CELF6: variants seen among roughly 807,000 people sequenced by gnomAD.
CELF6 encodes CUGBP Elav-like family member 6.
A neutral mutation model predicts 53.1 loss-of-function variants in CELF6; 32 were observed. That is an observed-to-expected ratio of 0.60 (90% CI 0.46 to 0.81). The LOEUF is 0.81. Among genes scored for constraint, CELF6 ranks in the 30% least tolerant of loss-of-function variants. CELF6 has a pLI of 0.00. For missense variants in CELF6, 539 were observed against 669.5 expected, an observed-to-expected ratio of 0.81 and a Z score of 2.15; for synonymous variants, 291 against 288.8, an observed-to-expected ratio of 1.01 and a Z score of -0.08.
chr15:72,319,916 G>T lies in CELF6; in HGVS notation c.-42C>A, dbSNP rs1426353691. 6 of 1,417,680 alleles carry T rather than the reference G, an allele frequency of 4.2e-6. No homozygotes were observed. Among genetic ancestry groups the T allele is most frequent in the Non-Finnish European group, 9.1e-7 (1 of 1,093,490 alleles). 87.8% of individuals were successfully genotyped at this position (1,417,680 alleles called of 1,614,324 possible). A position where few individuals can be genotyped will look rare whatever the true frequency, so the allele number is the denominator to read the frequency against. The stretch of plus-strand genomic sequence containing the variant: ...CCCTCCCGCCGGTCCCACTGGTCCC[G>T]CCTGTCCCGCCGTCCCCTCCCTGGA... On this transcript the variant is annotated 5_prime_UTR_variant, in exon 1 of 13. Transcript: ENST00000287202. The surrounding 1 kb of genome is among the most constrained non-coding windows in gnomAD (Gnocchi z 5.0).
intron 1 of CELF6, among the ~76,000 whole-genome samples, chr15:72,316,399 C>T (rs1292796445): frequency 6.6e-6 from 1 of 152,136 alleles, no homozygotes; most frequent in African/African-American, 2.4e-5. Context: ...GGAGCCAACC[C>T]CAGGAGCCCC....
At chr15:72,292,313 G>T in intron 3 of CELF6, 1 of 1,361,046 alleles carries the variant, frequency 7.3e-7, no homozygotes, top group Non-Finnish European at 1.0e-6. Context: ...CCAATCTGAT[G>T]GCTTTGCCTT....
At position 72,289,791 on chromosome 15, in the gene CELF6, C is replaced by A. The variant is rs912568967; in HGVS notation, c.604-21G>T. On this transcript the variant is annotated intron_variant, in intron 5 of 12. Coordinates refer to ENST00000287202, the MANE Select transcript of CELF6 (RefSeq NM_052840.5). The surrounding 1 kb of genome is among the most constrained non-coding windows in gnomAD (Gnocchi z 7.6). ...GCGCCCTGGGCAGGGCAGGGGAGGC[C>A]GTGGTGACCGGTCCTGACCCTGGCC... The A allele has an allele frequency of 2.8e-6, 4 of 1,450,406 alleles. No homozygotes were observed. Among genetic ancestry groups the A allele is most frequent in the Admixed American group, 5.3e-5 (2 of 37,534 alleles). The allele number at this position is 1,450,406 out of a possible 1,614,324, so 89.8% of individuals were successfully genotyped here.
Position 72,305,900 on chromosome 15 carries a change from C to T in CELF6, c.346-1106G>A, listed in dbSNP as rs1313495860. 5.3e-5 allele frequency among the ~76,000 whole-genome samples: 8 copies of T among 150,836 alleles called. No individual in the cohort carries two copies. The East Asian group carries it at 1.6e-3, about 29-fold the overall frequency. On this transcript the variant is annotated intron_variant, in intron 2 of 12. Coordinates refer to ENST00000287202, the MANE Select transcript of CELF6 (RefSeq NM_052840.5). The stretch of plus-strand genomic sequence containing the variant: ...AACCTGATCCTCCCAGTCACCCAAG[C>T]TATAAGCCTGGAAAGCAGCTTGACT...
At position 72,289,732 on chromosome 15, in the gene CELF6, G is replaced by A; in HGVS notation, c.642C>T (p.Thr214=). 1.4e-6 allele frequency: 2 copies of A among 1,471,036 alleles called. No homozygotes were observed. Among genetic ancestry groups the A allele is most frequent in the Non-Finnish European group, 1.8e-6 (2 of 1,119,550 alleles). The allele number at this position is 1,471,036 out of a possible 1,614,324, so 91.1% of individuals were successfully genotyped here. The change falls in exon 6 of 13, where the codon ACC becomes ACT. Residue 214 remains threonine, a synonymous_variant. Coordinates refer to ENST00000287202, the MANE Select transcript of CELF6 (RefSeq NM_052840.5). The surrounding 1 kb of genome is among the most constrained non-coding windows in gnomAD (Gnocchi z 7.6). ...TCCGCCGCAGCGCGCGCTCCCGGTC[G>A]GTGTCCGCCAGCTTGACCACGAGGC... is the stretch of plus-strand genomic sequence containing the variant. ...SSSLVVKLAD[T]DRERALRRMQ...
chr15:72,287,139 A>T (rs1244473928), intron 12 of CELF6, 98 bp downstream of exon 12: 1 of 1,125,588 alleles, frequency 8.9e-7, no homozygotes, highest in East Asian at 2.4e-5. Context: ...AGACTTTCTC[A>T]GAGGTGGGTG....
chr15:72,299,362 CTTT>C (rs780048239), intron 3 of CELF6, among the ~76,000 whole-genome samples: 20 of 138,924 alleles, frequency 1.4e-4, no homozygotes, highest in Admixed American at 3.6e-4. Flanking sequence ...TTTGTTTTTT[CTTT>C]TTTTTTTTTT....
intron 3 of CELF6, among the ~76,000 whole-genome samples, chr15:72,290,493 G>A (rs528282839): frequency 1.3e-5 from 2 of 152,212 alleles, no homozygotes; most frequent in Non-Finnish European, 2.9e-5. Flanking sequence ...GAAACCCAGA[G>A]AGGCTCAGGG....
intron 3 of CELF6, among the ~76,000 whole-genome samples, chr15:72,294,196 T>C (rs2088044869): frequency 6.6e-6 from 1 of 152,232 alleles, no homozygotes; most frequent in African/African-American, 2.4e-5. Flanking sequence ...AAGGAGCGTC[T>C]GCCTCATGTT....
chr15:72,312,355 G>T (rs920623483), intron 2 of CELF6, among the ~76,000 whole-genome samples: 2 of 152,136 alleles, frequency 1.3e-5, no homozygotes, highest in African/African-American at 4.8e-5. Flanking sequence ...GGCCAGGAGT[G>T]GTGGCTCACG....
intron 2 of CELF6, among the ~76,000 whole-genome samples, chr15:72,312,832 ACTC>A (rs2088315470): frequency 6.6e-6 from 1 of 151,778 alleles, no homozygotes; most frequent in Admixed American, 6.6e-5. Flanking sequence ...AGAGCTGGGC[ACTC>A]CTCCTCCATG....
At chr15:72,286,756 CT>C (rs1286866104) in intron 12 of CELF6, among the ~76,000 whole-genome samples, 1 of 152,244 alleles carries the variant, frequency 6.6e-6, no homozygotes, top group Non-Finnish European at 1.5e-5. Context: ...ATGTTTGCTT[CT>C]CTTCCTCCAT....
At chr15:72,303,908 A>C (rs1466295295) in intron 3 of CELF6, among the ~76,000 whole-genome samples, 1 of 151,856 alleles carries the variant, frequency 6.6e-6, no homozygotes, top group Non-Finnish European at 1.5e-5. Context: ...CCCAGGCTGG[A>C]GTGCAATGGC....
At chr15:72,315,638 A>G (rs2088352611) in intron 2 of CELF6, among the ~76,000 whole-genome samples, 1 of 152,194 alleles carries the variant, frequency 6.6e-6, no homozygotes, top group African/African-American at 2.4e-5. Flanking sequence ...CGCCTGGCCC[A>G]AGGATCTTGA....
At chr15:72,311,403 T>C (rs527980921) in intron 2 of CELF6, among the ~76,000 whole-genome samples, 2 of 140,198 alleles carry the variant, frequency 1.4e-5, no homozygotes, top group East Asian at 1.9e-4. Context: ...CTCACCTTTT[T>C]TCTTTTTTTT....
chr15:72,298,857 G>A (rs942875277), intron 3 of CELF6, among the ~76,000 whole-genome samples: 1 of 152,140 alleles, frequency 6.6e-6, no homozygotes, highest in African/African-American at 2.4e-5. Flanking sequence ...CATTGTCTGA[G>A]GGATTTGGGG....
chr15:72,290,812 C>T (rs1415354892), intron 3 of CELF6, among the ~76,000 whole-genome samples: 2 of 152,148 alleles, frequency 1.3e-5, no homozygotes, highest in Admixed American at 1.3e-4. Context: ...CCTACTGCCT[C>T]ATCTTTAGGC....
chr15:72,306,417 GTT>G, intron 2 of CELF6: 2 of 498,208 alleles, frequency 4.0e-6, no homozygotes, highest in Non-Finnish European at 5.2e-6. Flanking sequence ...CAATTTGCTC[GTT>G]GCCGAGACAA....
At chr15:72,292,277 G>A (rs1209282955) in intron 3 of CELF6, 2 of 1,529,248 alleles carry the variant, frequency 1.3e-6, no homozygotes, top group African/African-American at 2.7e-5. Flanking sequence ...TGAGAAGACA[G>A]GAAAGGTCTT....
Sources: gnomAD v4.1 joint callset for allele counts (sites outside exome capture counted in the v4.1 genomes callset) on GRCh38, gnomAD v4.1.1 for gene constraint, Gnocchi (gnomAD v3.1) non-coding constraint, MANE v1.5 for transcripts, NCBI Gene and HGNC (gene_info 2026-07-23, HGNC 2026-07-21) for gene names.